FOXN3: variants seen among roughly 807,000 people sequenced by gnomAD.
FOXN3 encodes forkhead box N3.
A neutral mutation model predicts 38.4 loss-of-function variants in FOXN3; 7 were observed. The observed-to-expected ratio is 0.18, with a 90% CI of 0.10 to 0.34. The LOEUF (loss-of-function observed/expected upper bound fraction) is 0.34. Ranked by LOEUF, FOXN3 falls within the 10% of genes least tolerant of loss-of-function variation. FOXN3 has a pLI of 1.00. For synonymous variants in FOXN3, 230 were observed against 242.2 expected, an observed-to-expected ratio of 0.95 and a Z score of 0.47; for missense variants, 456 against 613.4, an observed-to-expected ratio of 0.74 and a Z score of 2.71.
rs778428042 is a variant in FOXN3, at chr14:89,583,351, G to A, written c.-15+35677C>T. Among the ~76,000 whole-genome samples, 52 of 152,132 alleles carry A rather than the reference G, an allele frequency of 3.4e-4. 1 individual carries two copies. The highest frequency in any genetic ancestry group is 9.7e-4 in the African/African-American group (40 of 41,434). ...CTGCCCTCATAGATGGATTAATGCC[G>A]CTATAGAGGGGCTTTCAGGAGTAGG... On this transcript the variant is annotated intron_variant, in intron 1 of 6. Coordinates refer to the FOXN3 transcript ENST00000345097.
At chr14:89,400,780 G>A (rs762133811) in intron 2 of FOXN3, among the ~76,000 whole-genome samples, 1 of 152,020 alleles carries the variant, frequency 6.6e-6, no homozygotes, top group Non-Finnish European at 1.5e-5. Flanking sequence ...CATCCCTCTT[G>A]CCATTCAAGG....
At chr14:89,306,671 T>C (rs1454272976) in intron 3 of FOXN3, among the ~76,000 whole-genome samples, 1 of 152,158 alleles carries the variant, frequency 6.6e-6, no homozygotes, top group Non-Finnish European at 1.5e-5. Context: ...CCGGCCCATT[T>C]TGGTTCTCCT....
At chr14:89,410,837 C>A (rs1015401452) in intron 2 of FOXN3, among the ~76,000 whole-genome samples, 1 of 150,870 alleles carries the variant, frequency 6.6e-6, no homozygotes, top group Non-Finnish European at 1.5e-5. Context: ...CACACCATTG[C>A]ACTCCAGCCT....
intron 2 of FOXN3, among the ~76,000 whole-genome samples, chr14:89,362,792 T>C (rs201753507): frequency 0.33 from 10,909 of 32,826 alleles, 394 homozygotes; most frequent in Middle Eastern, 0.39. Flanking sequence ...ACCACCACCA[T>C]CTCCACCACC....
At chr14:89,523,252 C>T (rs1030777358) in intron 1 of FOXN3, among the ~76,000 whole-genome samples, 2 of 152,036 alleles carry the variant, frequency 1.3e-5, no homozygotes, top group South Asian at 2.1e-4. Context: ...ACAGACAAAT[C>T]GATAATTATA....
At chr14:89,452,489 G>A (rs372784110) in intron 1 of FOXN3, among the ~76,000 whole-genome samples, 84 of 152,282 alleles carry the variant, frequency 5.5e-4, no homozygotes, top group African/African-American at 1.9e-3. Flanking sequence ...CATTCTCCCC[G>A]GCCAGGTGTC....
At chr14:89,488,369 G>T (rs1240496197) in intron 1 of FOXN3, among the ~76,000 whole-genome samples, 1 of 151,964 alleles carries the variant, frequency 6.6e-6, no homozygotes, top group Admixed American at 6.6e-5. Context: ...GTCTGGGCCA[G>T]GCATGGTGAC....
Position 89,280,885 on chromosome 14 carries a change from A to G in FOXN3, c.745+65T>C, listed in dbSNP as rs918614615. On this transcript the variant is annotated intron_variant, in intron 4 of 5. Transcript: ENST00000557258. Reference sequence around the variant, plus strand: ...AACTGTCCTATTTGACACCAAGCACAAAGGAGTGATGAAAGGCGGGTGGGT... The same window carrying G: ...AACTGTCCTATTTGACACCAAGCACGAAGGAGTGATGAAAGGCGGGTGGGT... 43 of 1,409,626 alleles carry G rather than the reference A, an allele frequency of 3.1e-5. No homozygotes were observed. The African/African-American group carries it at 5.5e-4, about 18-fold the overall frequency. 87.3% of individuals were successfully genotyped at this position (1,409,626 alleles called of 1,614,324 possible).
intron 1 of FOXN3, among the ~76,000 whole-genome samples, chr14:89,564,667 G>A (rs560107709): frequency 6.6e-6 from 1 of 152,276 alleles, no homozygotes; most frequent in Non-Finnish European, 1.5e-5. Context: ...CCCCTAAAAA[G>A]ATCTGTTGGA....
At chr14:89,491,637 T>A (rs1361577205) in intron 1 of FOXN3, among the ~76,000 whole-genome samples, 1 of 152,188 alleles carries the variant, frequency 6.6e-6, no homozygotes. Context: ...TCTCTGGGAA[T>A]CTTCAGAAGT....
intron 4 of FOXN3, among the ~76,000 whole-genome samples, chr14:89,211,819 A>G (rs768096331): frequency 6.6e-6 from 1 of 152,220 alleles, no homozygotes; most frequent in African/African-American, 2.4e-5. Context: ...AATATTTGCT[A>G]TAACAGGAAG....
chr14:89,559,447 G>A (rs1895201631), intron 1 of FOXN3, among the ~76,000 whole-genome samples: 1 of 152,164 alleles, frequency 6.6e-6, no homozygotes, highest in African/African-American at 2.4e-5. Flanking sequence ...GGAAGCTGAG[G>A]AGGGCAGATC....
chr14:89,413,227 C>T (rs1891589863), intron 1 of FOXN3, among the ~76,000 whole-genome samples: 1 of 152,136 alleles, frequency 6.6e-6, no homozygotes, highest in Non-Finnish European at 1.5e-5. Context: ...GTAAAGATAA[C>T]CAAAAAGGTC....
intron 1 of FOXN3, among the ~76,000 whole-genome samples, chr14:89,455,641 A>G (rs1433868010): frequency 6.6e-6 from 1 of 152,124 alleles, no homozygotes; most frequent in East Asian, 1.9e-4. Flanking sequence ...TCAGCTTCTT[A>G]TCTGACAGCA....
intron 1 of FOXN3, among the ~76,000 whole-genome samples, chr14:89,433,417 G>A (rs1461722958): frequency 6.6e-6 from 1 of 152,236 alleles, no homozygotes; most frequent in Non-Finnish European, 1.5e-5. Context: ...AGGAGGCTGA[G>A]GTTGCAGTTA....
chr14:89,178,753 G>A (rs940343948), intron 5 of FOXN3, among the ~76,000 whole-genome samples: 1 of 152,176 alleles, frequency 6.6e-6, no homozygotes, highest in African/African-American at 2.4e-5. Context: ...GAATTAAAAT[G>A]AGAAGGCGGC....
intron 1 of FOXN3, among the ~76,000 whole-genome samples, chr14:89,468,600 T>C (rs1178077085): frequency 6.6e-6 from 1 of 152,200 alleles, no homozygotes; most frequent in Admixed American, 6.5e-5. Flanking sequence ...TGGGGATAGA[T>C]GAGTTAACAC....
intron 3 of FOXN3, among the ~76,000 whole-genome samples, chr14:89,346,451 G>A (rs1279633256): frequency 3.9e-5 from 6 of 152,144 alleles, no homozygotes; most frequent in Non-Finnish European, 8.8e-5. Context: ...TGAGGAGTGA[G>A]GATCAAGTTA....
chr14:89,577,963 A>G (rs1895669414), intron 1 of FOXN3, among the ~76,000 whole-genome samples: 2 of 152,216 alleles, frequency 1.3e-5, no homozygotes, highest in Admixed American at 1.3e-4. Context: ...AATCATGTGA[A>G]CTTCCAGTGG....
Sources: gnomAD v4.1 joint callset for allele counts (sites outside exome capture counted in the v4.1 genomes callset) on GRCh38, gnomAD v4.1.1 for gene constraint, MANE v1.5 for transcripts, NCBI Gene and HGNC (gene_info 2026-07-23, HGNC 2026-07-21) for gene names.